The following PAXIP1 variants were observed in gnomAD, a reference collection of about 807,000 sequenced individuals.
PAXIP1 encodes the protein PAX interacting protein 1.
A neutral mutation model predicts 140.6 loss-of-function variants in PAXIP1; 19 were observed. That is an observed-to-expected ratio of 0.14 (90% CI 0.09 to 0.20). The LOEUF is 0.20. Among genes scored for constraint, PAXIP1 ranks in the 10% least tolerant of loss-of-function variants. The pLI is 1.00. For missense variants in PAXIP1, 920 were observed against 1,208.6 expected, an observed-to-expected ratio of 0.76 and a Z score of 3.54; for synonymous variants, 442 against 444.6, an observed-to-expected ratio of 0.99 and a Z score of 0.07.
intron 16 of PAXIP1, among the ~76,000 whole-genome samples, chr7:154,952,842 G>C (rs1422336526): frequency 1.3e-5 from 2 of 152,142 alleles, no homozygotes; most frequent in Non-Finnish European, 2.9e-5. Flanking sequence ...CTTTCCTTCA[G>C]ATTAATGATT....
At chr7:154,998,551 C>T (rs1378518330) in intron 2 of PAXIP1, 99 bp downstream of exon 2, 1 of 687,718 alleles carries the variant, frequency 1.5e-6, no homozygotes, top group Non-Finnish European at 2.2e-6. Context: ...TAAAACAGGA[C>T]TTTAGCAAAA....
Position 154,976,091 on chromosome 7 carries a change from A to C in PAXIP1, c.679T>G (p.Ser227Ala), listed in dbSNP as rs373202722. 21 of 1,575,692 alleles carry C rather than the reference A, an allele frequency of 1.3e-5. No individual in the cohort carries two copies. The African/African-American group carries it at 2.4e-4, about 18-fold the overall frequency. Residue 227 changes from serine (S) to alanine (A), a missense_variant, in exon 6 of 21, where the codon TCT becomes GCT. By Grantham distance (99) the Ser-to-Ala change is moderately conservative. This residue lies in a region of PAXIP1 where 419 missense variants were observed against 514.7 expected (regional missense o/e 0.81). Coordinates refer to ENST00000404141, the MANE Select transcript of PAXIP1 (RefSeq NM_007349.4). ...KSSPASSQEG[S>A]PSGDQQFSPK... The stretch of plus-strand genomic sequence containing the variant: ...GAAAACTGCTGGTCACCTGAAGGAG[A>C]CCCTTCTTGAGAGCTGGCAGGGCTT...
At chr7:154,948,237 TGG>T (rs1202981637) in intron 16 of PAXIP1, 12 of 491,956 alleles carry the variant, frequency 2.4e-5, no homozygotes, top group African/African-American at 2.1e-4. Context: ...ATTAACCATT[TGG>T]GGTCATAAAC....
chr7:154,945,411 T>C (rs1317362771), intron 20 of PAXIP1: 6 of 332,526 alleles, frequency 1.8e-5, no homozygotes, highest in Non-Finnish European at 2.6e-5. Flanking sequence ...AATGTCAGTG[T>C]ATTTAAATGT....
rs1252798988 is a variant in PAXIP1, at chr7:154,946,469, T to C, written c.3133+43A>G. 2.5e-6 allele frequency: 4 copies of C among 1,609,930 alleles called. No individual in the cohort carries two copies. The Admixed American group carries it at 6.7e-5, about 27-fold the overall frequency. ...GACACTTTAGTTAGAGATCCACTGC[T>C]GTGCGTGCACACATACTCACACAGG... is the stretch of plus-strand genomic sequence containing the variant. On this transcript the variant is annotated intron_variant, in intron 19 of 20. Transcript: ENST00000404141. The surrounding 1 kb of genome is among the most constrained non-coding windows in gnomAD (Gnocchi z 4.9).
intron 5 of PAXIP1, among the ~76,000 whole-genome samples, chr7:154,979,402 G>T (rs1809740715): frequency 6.6e-6 from 1 of 152,058 alleles, no homozygotes; most frequent in South Asian, 2.1e-4. Flanking sequence ...AAAAAGAAAT[G>T]TTATTTTTGT....
intron 3 of PAXIP1, among the ~76,000 whole-genome samples, chr7:154,992,172 G>A (rs1421532554): frequency 3.9e-5 from 6 of 152,174 alleles, no homozygotes; most frequent in Admixed American, 3.3e-4. Context: ...TTGTTTTTGA[G>A]ATGGAGTCTT....
At chr7:154,953,297 C>G (rs1335893411) in intron 16 of PAXIP1, among the ~76,000 whole-genome samples, 1 of 152,130 alleles carries the variant, frequency 6.6e-6, no homozygotes, top group Non-Finnish European at 1.5e-5. Context: ...GAGAACACGT[C>G]AATATAGGGC....
intron 20 of PAXIP1, chr7:154,945,920 G>C: frequency 2.0e-6 from 2 of 985,352 alleles, no homozygotes; most frequent in Non-Finnish European, 2.4e-6. Flanking sequence ...TGTTGATGAA[G>C]TATTCATTCT....
intron 2 of PAXIP1, among the ~76,000 whole-genome samples, chr7:154,995,902 A>G (rs62471878): frequency 0.26 from 39,146 of 152,204 alleles, 6,162 homozygotes; most frequent in Non-Finnish European, 0.36. Context: ...AATGATGCCC[A>G]AAGGCCACTG....
chr7:154,992,518 C>A (rs112089015), intron 3 of PAXIP1, among the ~76,000 whole-genome samples: 1 of 151,846 alleles, frequency 6.6e-6, no homozygotes, highest in Non-Finnish European at 1.5e-5. Context: ...TCGCTTGAAC[C>A]CAGGAGGCAG....
At chr7:154,965,648 A>G (rs1289982860) in intron 8 of PAXIP1, 4 of 152,180 alleles carry the variant, frequency 2.6e-5, no homozygotes, top group African/African-American at 9.7e-5. Context: ...TGAATAGTAC[A>G]TATATTTTCT....
At chr7:154,971,492 C>T (rs1809325026) in intron 6 of PAXIP1, among the ~76,000 whole-genome samples, 1 of 152,230 alleles carries the variant, frequency 6.6e-6, no homozygotes, top group Non-Finnish European at 1.5e-5. Context: ...CAAGGCCAGC[C>T]ATCGAGATGC....
chr7:154,960,011 G>A, intron 12 of PAXIP1, 78 bp from the exon 13 acceptor site: 1 of 882,816 alleles, frequency 1.1e-6, no homozygotes, highest in Non-Finnish European at 1.9e-6. Flanking sequence ...AGTCTTCCCT[G>A]ATAATCCTCA....
chr7:154,957,969 G>A (rs987277435), intron 13 of PAXIP1, among the ~76,000 whole-genome samples: 1 of 83,174 alleles, frequency 1.2e-5, no homozygotes, highest in Non-Finnish European at 2.4e-5. Context: ...GCGAGACTCC[G>A]TCTCAAAAAA....
At chr7:154,979,609 AAACAT>A (rs1353656174) in intron 5 of PAXIP1, among the ~76,000 whole-genome samples, 1 of 150,554 alleles carries the variant, frequency 6.6e-6, no homozygotes, top group East Asian at 1.9e-4. Context: ...CATAAGCCAC[AAACAT>A]AACATAATCG....
At chr7:154,981,768 T>C (rs756757515) in intron 5 of PAXIP1, among the ~76,000 whole-genome samples, 9 of 152,204 alleles carry the variant, frequency 5.9e-5, no homozygotes, top group Non-Finnish European at 1.0e-4. Context: ...ATGACTTAGA[T>C]TTGTTTTTCC....
At chr7:154,947,853 TC>T in intron 17 of PAXIP1, 49 bp downstream of exon 17, 1 of 1,286,150 alleles carries the variant, frequency 7.8e-7, no homozygotes, top group Non-Finnish European at 1.1e-6. Flanking sequence ...CTTGAGCAGG[TC>T]CGTGTGTTAT....
chr7:154,952,934 A>G (rs768381008), intron 16 of PAXIP1, among the ~76,000 whole-genome samples: 26 of 152,206 alleles, frequency 1.7e-4, no homozygotes, highest in Admixed American at 3.3e-4. Flanking sequence ...ATAAACAGCA[A>G]TCTTAAGTAT....
Sources: allele counts gnomAD v4.1 joint callset (sites outside exome capture counted in the v4.1 genomes callset), GRCh38; gene constraint gnomAD v4.1.1; regional missense constraint gnomAD v4.1.1; non-coding constraint Gnocchi (gnomAD v3.1); transcripts MANE v1.5; gene names NCBI Gene and HGNC (gene_info 2026-07-23, HGNC 2026-07-21).